ZFHX3: variants seen among roughly 807,000 people sequenced by gnomAD.
The protein encoded by ZFHX3 is zinc finger homeobox 3, also known as zinc finger homeobox protein 3.
A neutral mutation model predicts 279.1 loss-of-function variants in ZFHX3; 42 were observed. The ratio of observed to expected loss-of-function variants is 0.15; its 90% CI spans 0.12 to 0.19. ZFHX3 has a LOEUF of 0.19. ZFHX3 is among the 10% of genes least tolerant of loss of function. The probability of loss-of-function intolerance (pLI) is 1.00; values close to 1 mark genes in which losing one functional copy is unlikely to be tolerated. For missense variants in ZFHX3, 4,981 were observed against 4,754.0 expected, an observed-to-expected ratio of 1.05 and a Z score of -1.40; for synonymous variants, 2,293 against 1,957.8, an observed-to-expected ratio of 1.17 and a Z score of -4.52.
chr16:72,861,126 G>A (rs1216273746), intron 4 of ZFHX3, among the ~76,000 whole-genome samples: 3 of 152,178 alleles, frequency 2.0e-5, no homozygotes, highest in Non-Finnish European at 2.9e-5. Context: ...TGTCCCCTGT[G>A]CTGTGTTGAC....
intron 3 of ZFHX3, among the ~76,000 whole-genome samples, chr16:72,935,733 TAA>T (rs35586166): frequency 8.9e-4 from 125 of 141,110 alleles, no homozygotes; most frequent in Middle Eastern, 7.6e-3. Flanking sequence ...CACTCTGTCT[TAA>T]AAAAAAAAAA....
intron 3 of ZFHX3, among the ~76,000 whole-genome samples, chr16:72,943,758 C>G (rs1302355970): frequency 6.6e-6 from 1 of 152,142 alleles, no homozygotes; most frequent in Admixed American, 6.5e-5. Context: ...AGTGCTGCAT[C>G]TACTGGCATT....
chr16:73,274,860 C>T (rs1431817411), intron 4 of ZFHX3, among the ~76,000 whole-genome samples: 1 of 152,196 alleles, frequency 6.6e-6, no homozygotes, highest in East Asian at 1.9e-4. Flanking sequence ...TCTTGGAATG[C>T]TATAAATATT....
chr16:73,850,835 G>A (rs960474673), intron 1 of ZFHX3, among the ~76,000 whole-genome samples: 2 of 152,020 alleles, frequency 1.3e-5, no homozygotes, highest in Non-Finnish European at 2.9e-5. Context: ...CAGGGTGAAG[G>A]GTACCTAACC....
chr16:73,715,004 C>G (rs1356446734), intron 1 of ZFHX3, among the ~76,000 whole-genome samples: 1 of 152,162 alleles, frequency 6.6e-6, no homozygotes, highest in Admixed American at 6.5e-5. Context: ...TTTAAAAATG[C>G]TTCCTTTTTC....
chr16:73,401,209 C>T (rs545533975), intron 3 of ZFHX3: 13 of 152,050 alleles, frequency 8.5e-5, no homozygotes, highest in Non-Finnish European at 1.8e-4. Flanking sequence ...TTGCTTTTCC[C>T]TCAGAAAAAT....
chr16:72,974,690 G>C (rs1962269974), intron 1 of ZFHX3, among the ~76,000 whole-genome samples: 2 of 152,280 alleles, frequency 1.3e-5, no homozygotes. Flanking sequence ...GGAAGCCAAA[G>C]GGACACTCAA....
At chr16:73,426,616 C>T (rs889855826) in intron 3 of ZFHX3, among the ~76,000 whole-genome samples, 4 of 151,870 alleles carry the variant, frequency 2.6e-5, no homozygotes, top group East Asian at 1.9e-4. Context: ...GCCATTCATG[C>T]GTACGTGCAC....
At chr16:73,751,347 A>C (rs1357901268) in intron 1 of ZFHX3, among the ~76,000 whole-genome samples, 2 of 152,206 alleles carry the variant, frequency 1.3e-5, no homozygotes, top group Admixed American at 1.3e-4. Context: ...TTAGGGAGCC[A>C]TGAGTAGAAA....
intron 7 of ZFHX3, chr16:73,125,377 A>T (rs983764207): frequency 6.6e-6 from 1 of 151,964 alleles, no homozygotes; most frequent in Non-Finnish European, 1.5e-5. Context: ...CTTCATAGCC[A>T]CTTTATGGGG....
intron 2 of ZFHX3, among the ~76,000 whole-genome samples, chr16:73,598,949 G>C (rs2052081569): frequency 6.6e-6 from 1 of 151,948 alleles, no homozygotes. Flanking sequence ...TTTTAGTAGA[G>C]ACGGGGTTTC....
chr16:73,502,646 G>A (rs549652908), intron 2 of ZFHX3, among the ~76,000 whole-genome samples: 1 of 152,308 alleles, frequency 6.6e-6, no homozygotes, highest in East Asian at 1.9e-4. Context: ...GAGATCAGTG[G>A]ATCTCTCGGA....
intron 5 of ZFHX3, among the ~76,000 whole-genome samples, chr16:72,827,901 C>T (rs1006560188): frequency 2.0e-5 from 3 of 152,220 alleles, no homozygotes; most frequent in Non-Finnish European, 4.4e-5. Context: ...GTATGGCCCT[C>T]TCTGTGTCTC....
At chr16:73,539,462 T>TTTA (rs2019973100) in intron 2 of ZFHX3, among the ~76,000 whole-genome samples, 6 of 135,550 alleles carry the variant, frequency 4.4e-5, no homozygotes, top group South Asian at 2.3e-4. Context: ...TTTTTTTTTT[T>TTTA]ATAAGGCCTC....
intron 3 of ZFHX3, among the ~76,000 whole-genome samples, chr16:73,347,926 CAGAA>C (rs1195508604): frequency 2.0e-5 from 3 of 152,180 alleles, no homozygotes; most frequent in African/African-American, 7.2e-5. Flanking sequence ...TTTGCACACA[CAGAA>C]AGAGTGAAAA....
intron 1 of ZFHX3, among the ~76,000 whole-genome samples, chr16:73,727,835 C>T (rs899805509): frequency 8.5e-5 from 13 of 152,298 alleles, no homozygotes; most frequent in African/African-American, 3.1e-4. Flanking sequence ...AACCATCCCT[C>T]TGGTGGTCAA....
At chr16:73,406,268 C>A (rs998731486) in intron 3 of ZFHX3, among the ~76,000 whole-genome samples, 3 of 152,172 alleles carry the variant, frequency 2.0e-5, no homozygotes, top group African/African-American at 7.2e-5. Context: ...ACTTATTGAC[C>A]ATGTGGGTTT....
intron 1 of ZFHX3, among the ~76,000 whole-genome samples, chr16:73,750,823 G>A (rs16972457): frequency 0.33 from 50,810 of 151,896 alleles, 8,809 homozygotes; most frequent in African/African-American, 0.36. Flanking sequence ...GCCTTGATGG[G>A]AATTTAGAAA....
intron 1 of ZFHX3, among the ~76,000 whole-genome samples, chr16:73,831,498 C>T (rs1960996647): frequency 6.6e-6 from 1 of 151,712 alleles, no homozygotes; most frequent in Non-Finnish European, 1.5e-5. Flanking sequence ...ATCTACAGCA[C>T]TCAGAAATTC....
Sources: allele counts gnomAD v4.1 joint callset (sites outside exome capture counted in the v4.1 genomes callset), GRCh38; gene constraint gnomAD v4.1.1; transcripts MANE v1.5; gene names NCBI Gene and HGNC (gene_info 2026-07-23, HGNC 2026-07-21).